ADAM2: variants seen among roughly 807,000 people sequenced by gnomAD.
ADAM2 encodes the protein disintegrin and metalloproteinase domain-containing protein 2.
A neutral mutation model predicts 99.3 loss-of-function variants in ADAM2; 101 were observed. The ratio of observed to expected loss-of-function variants is 1.02; its 90% CI spans 0.87 to 1.20. The LOEUF is 1.20. ADAM2 is among the 50% of genes most tolerant of loss of function. The pLI, the probability that ADAM2 is intolerant of heterozygous loss-of-function variation, is 0.00. For missense variants in ADAM2, 948 were observed against 878.7 expected, an observed-to-expected ratio of 1.08 and a Z score of -1.00; for synonymous variants, 323 against 287.6, an observed-to-expected ratio of 1.12 and a Z score of -1.25.
In ADAM2 at chr8:39,833,316, T is replaced by C. The variant is rs1265100189; in HGVS notation, c.188+628A>G. On this transcript the variant is annotated intron_variant, in intron 3 of 20. Coordinates refer to ENST00000265708, the MANE Select transcript of ADAM2 (RefSeq NM_001464.5). Reference sequence around the variant, plus strand: ...GCAGCTATGAATTCTAGAAATGATATGGATGCGTTTTTGATTTTTGTATTG... The same window carrying C: ...GCAGCTATGAATTCTAGAAATGATACGGATGCGTTTTTGATTTTTGTATTG... Among the ~76,000 whole-genome samples, 3 of 152,138 alleles carry C rather than the reference T, an allele frequency of 2.0e-5. No individual in the cohort carries two copies. In the East Asian group the frequency reaches 5.8e-4, roughly 29 times the overall value.
rs185407928 is a variant in ADAM2, at chr8:39,753,248, T to G, written c.1797+2480A>C. Among the ~76,000 whole-genome samples, 466 of 152,260 alleles carry G rather than the reference T, an allele frequency of 3.1e-3. 2 individuals carry two copies. Among genetic ancestry groups the G allele is most frequent in the African/African-American group, 0.011 (451 of 41,554 alleles). On this transcript the variant is annotated intron_variant, in intron 16 of 20. Coordinates refer to ENST00000265708, the MANE Select transcript of ADAM2 (RefSeq NM_001464.5). ...TCTTAGGAACTGGAGAAAAGGTGAC[T>G]CTTGTTATGTTTTAGCAAGAAGAGT...
Position 39,746,560 on chromosome 8 carries a change from A to G in ADAM2, c.2086T>C (p.Phe696Leu). 6.2e-7 allele frequency: 1 copy of G among 1,608,056 alleles called. No homozygotes were observed. The highest frequency in any genetic ancestry group is 8.5e-7 in the Non-Finnish European group (1 of 1,176,732). Residue 696 changes from phenylalanine to leucine, a missense_variant, in exon 19 of 21, where the codon TTT (phenylalanine) becomes CTT (leucine). Phe to Leu is a conservative substitution (Grantham distance 22). Transcript: ENST00000265708. The stretch of plus-strand genomic sequence containing the variant: ...GCAATCAGTACACAGAAAATAATAA[A>G]GAAAGGAATGAATAAGAAAAATGGC... ...RWPFFLFIPF[F>L]IIFCVLIAIM...
chr8:39,788,975 T>G (rs1426457049), intron 7 of ADAM2, among the ~76,000 whole-genome samples: 1 of 151,410 alleles, frequency 6.6e-6, no homozygotes, highest in Non-Finnish European at 1.5e-5. Flanking sequence ...AGTTTAAACA[T>G]TATAAAAAGG....
At chr8:39,757,189 A>T (rs1469017606) in intron 15 of ADAM2, among the ~76,000 whole-genome samples, 1 of 151,902 alleles carries the variant, frequency 6.6e-6, no homozygotes, top group African/African-American at 2.4e-5. Flanking sequence ...TCATGATGCG[A>T]TTTCTCACCA....
At chr8:39,788,561 A>G in intron 8 of ADAM2, 108 bp downstream of exon 8, 1 of 731,190 alleles carries the variant, frequency 1.4e-6, no homozygotes. Flanking sequence ...ATAAAACTTA[A>G]TTTCCCTTAT....
chr8:39,777,066 G>A lies in ADAM2; in HGVS notation c.987C>T (p.Cys329=). The A allele has an allele frequency of 1.3e-6, 2 of 1,595,192 alleles. No homozygotes were observed. Among genetic ancestry groups the A allele is most frequent in the African/African-American group, 1.3e-5 (1 of 74,576 alleles). Residue 329 remains cysteine, a synonymous_variant, in exon 11 of 21, where the codon TGC becomes TGT. Coordinates refer to ENST00000265708, the MANE Select transcript of ADAM2 (RefSeq NM_001464.5). The part of the protein sequence containing the change: ...MGITYDDINK[C]QCSGAVCIMN... ...TAATGCAGACAGCTCCTGAGCACTG[G>A]CATTTGTTAATGTCATCATAAGTGA... is the stretch of plus-strand genomic sequence containing the variant.
At chr8:39,803,610 C>T (rs1305277659) in intron 7 of ADAM2, among the ~76,000 whole-genome samples, 2 of 152,130 alleles carry the variant, frequency 1.3e-5, no homozygotes, top group Non-Finnish European at 2.9e-5. Context: ...CTGGATGATG[C>T]CTCGTTCATT....
At chr8:39,776,320 T>A (rs949023351) in intron 11 of ADAM2, among the ~76,000 whole-genome samples, 5 of 152,000 alleles carry the variant, frequency 3.3e-5, no homozygotes, top group African/African-American at 1.2e-4. Context: ...ACAAATATTT[T>A]AGGGAGCAGC....
chr8:39,827,280 T>C (rs1446742538), intron 3 of ADAM2, among the ~76,000 whole-genome samples: 1 of 152,088 alleles, frequency 6.6e-6, no homozygotes, highest in Non-Finnish European at 1.5e-5. Flanking sequence ...TCCACAATGT[T>C]GGTGGAAATG....
chr8:39,786,420 A>C (rs1382545441), intron 10 of ADAM2, among the ~76,000 whole-genome samples: 1 of 152,158 alleles, frequency 6.6e-6, no homozygotes, highest in Non-Finnish European at 1.5e-5. Context: ...CACTCACACA[A>C]CAAAAAGGCA....
chr8:39,814,711 A>G (rs1169056887), intron 6 of ADAM2, among the ~76,000 whole-genome samples: 1 of 152,010 alleles, frequency 6.6e-6, no homozygotes. Flanking sequence ...GCGGGTGTCC[A>G]TGTGTGTGTG....
rs141527567 is a variant in ADAM2, at chr8:39,769,234, T to C, written c.1212+158A>G. 1.4e-3 allele frequency among the ~76,000 whole-genome samples: 211 copies of C among 152,290 alleles called. 1 individual carries two copies. Among genetic ancestry groups the C allele is most frequent in the African/African-American group, 5.0e-3 (208 of 41,576 alleles). On this transcript the variant is annotated intron_variant, in intron 12 of 20. Transcript: ENST00000265708. ...CACTGAAGCACTACACCAATATATA[T>C]AAGTGCACTCATTAGTTGTTATAAT...
rs758762108 is a variant in ADAM2, at chr8:39,777,064, T to G, written c.989A>C (p.Gln330Pro). ...GITYDDINKC[Q>P]CSGAVCIMNP... ...CATAATGCAGACAGCTCCTGAGCAC[T>G]GGCATTTGTTAATGTCATCATAAGT... Residue 330 changes from glutamine to proline, a missense_variant, in exon 11 of 21, where the codon CAG (glutamine) becomes CCG (proline). Physicochemically the swap from Gln to Pro is moderately conservative, Grantham distance 76. Coordinates refer to ENST00000265708, the MANE Select transcript of ADAM2 (RefSeq NM_001464.5). 5.0e-6 allele frequency: 8 copies of G among 1,598,312 alleles called. No homozygotes were observed. Among genetic ancestry groups the G allele is most frequent in the African/African-American group, 1.3e-5 (1 of 74,578 alleles).
At chr8:39,813,223 C>T (rs1435197607) in intron 6 of ADAM2, among the ~76,000 whole-genome samples, 1 of 152,236 alleles carries the variant, frequency 6.6e-6, no homozygotes, top group Middle Eastern at 3.4e-3. Flanking sequence ...CAATGAGATA[C>T]CATCTCACAC....
At chr8:39,764,771 C>T (rs1225438483) in intron 14 of ADAM2, among the ~76,000 whole-genome samples, 5 of 151,992 alleles carry the variant, frequency 3.3e-5, no homozygotes, top group African/African-American at 4.8e-5. Context: ...CCCAGCACTT[C>T]GGGAGGCCCA....
chr8:39,786,087 A>T (rs548521458), intron 10 of ADAM2, among the ~76,000 whole-genome samples: 2 of 152,216 alleles, frequency 1.3e-5, no homozygotes, highest in Non-Finnish European at 2.9e-5. Context: ...GTTCTCACTT[A>T]TAAGTGGGAG....
chr8:39,837,802 C>A (rs1387495185), intron 1 of ADAM2, among the ~76,000 whole-genome samples: 1 of 152,158 alleles, frequency 6.6e-6, no homozygotes, highest in Non-Finnish European at 1.5e-5. Flanking sequence ...TCACTCTGGA[C>A]TCTTCAACTA....
intron 7 of ADAM2, among the ~76,000 whole-genome samples, chr8:39,799,971 CCTT>C (rs1325826112): frequency 6.6e-6 from 1 of 152,174 alleles, no homozygotes; most frequent in Non-Finnish European, 1.5e-5. Flanking sequence ...AGTCCTGACT[CCTT>C]ATCCAATTTG....
intron 16 of ADAM2, among the ~76,000 whole-genome samples, chr8:39,752,762 T>C (rs986970966): frequency 6.6e-6 from 1 of 152,122 alleles, no homozygotes; most frequent in East Asian, 1.9e-4. Context: ...TGATAGTGAG[T>C]AAGTCTCATG....
Sources: gnomAD v4.1 joint callset for allele counts (sites outside exome capture counted in the v4.1 genomes callset) on GRCh38, gnomAD v4.1.1 for gene constraint, MANE v1.5 for transcripts, NCBI Gene and HGNC (gene_info 2026-07-23, HGNC 2026-07-21) for gene names.